Variants in DMD observed in about 807,000 individuals in gnomAD.
DMD encodes dystrophin, also known as mutant dystrophin.
In DMD, 63 loss-of-function variants were observed where a neutral mutation model predicts 330.1. The observed-to-expected ratio is 0.19, with a 90% CI of 0.16 to 0.24. The LOEUF is 0.24. Ranked by LOEUF, DMD falls within the 10% of genes least tolerant of loss-of-function variation. The pLI, the probability that DMD is intolerant of heterozygous loss-of-function variation, is 1.00. For synonymous variants in DMD, 1,223 were observed against 959.8 expected (o/e 1.27, Z -5.07); for missense variants, 3,344 against 2,684.1 (o/e 1.25, Z -5.43).
At chrX:33,008,642 CTG>C (rs751911023) in intron 2 of DMD, among the ~76,000 whole-genome samples, 3 of 108,959 alleles carry the variant, frequency 2.8e-5, no homozygotes, top group Admixed American at 9.9e-5. Context: ...CCACAACGAA[CTG>C]TTTTTTTCTA....
Position 32,334,286 on chromosome X carries a change from AGTCTTTT to A in DMD, c.5922+7807_5922+7813del, listed in dbSNP as rs761571245. Among the ~76,000 whole-genome samples the A allele has an allele frequency of 5.6e-3, 623 of 111,989 alleles. 4 individuals are homozygous for A. Among genetic ancestry groups the A allele is most frequent in the African/African-American group, 0.018 (562 of 30,835 alleles). ...AACATTTCCCTTAACAACCATTATT[AGTCTTTT>A]GTATTTACAATTCCATTTGCTAAAG... On this transcript the variant is annotated intron_variant, in intron 41 of 78. Transcript: ENST00000357033.
chrX:32,007,693 G>T (rs182446837), intron 44 of DMD, among the ~76,000 whole-genome samples: 1 of 110,721 alleles, frequency 9.0e-6, no homozygotes, highest in African/African-American at 3.3e-5. Context: ...CACAGGTTTG[G>T]GGGGACGTGG....
At chrX:33,190,467 C>T (rs781755147) in intron 1 of DMD, among the ~76,000 whole-genome samples, 1 of 29,221 alleles carries the variant, frequency 3.4e-5, no homozygotes, top group African/African-American at 6.8e-5. Context: ...AAATATTGAT[C>T]TTTCTTTCTT....
chrX:32,401,407 T>C (rs73463858), intron 30 of DMD, among the ~76,000 whole-genome samples: 2 of 112,124 alleles, frequency 1.8e-5, no homozygotes, highest in Admixed American at 9.5e-5. Flanking sequence ...GTCCTGTCAT[T>C]TGCAATAACA....
intron 55 of DMD, among the ~76,000 whole-genome samples, chrX:31,521,245 G>A (rs1222505907): frequency 9.8e-6 from 1 of 102,385 alleles, no homozygotes; most frequent in African/African-American, 3.6e-5. Context: ...TGCAACCTCT[G>A]TCCCCCTCCT....
chrX:31,288,658 G>T (rs771160259), intron 62 of DMD, among the ~76,000 whole-genome samples: 3 of 111,805 alleles, frequency 2.7e-5, no homozygotes, highest in African/African-American at 9.8e-5. Flanking sequence ...GAATAATGTG[G>T]TCAGTTCTCT....
chrX:32,993,232 A>G (rs2093026743), intron 2 of DMD, among the ~76,000 whole-genome samples: 1 of 112,244 alleles, frequency 8.9e-6, no homozygotes. Context: ...CATTTAGACA[A>G]ATGCTCTTCA....
At chrX:32,484,093 C>T (rs768020025) in intron 21 of DMD, among the ~76,000 whole-genome samples, 1 of 111,109 alleles carries the variant, frequency 9.0e-6, no homozygotes, top group East Asian at 2.8e-4. Flanking sequence ...CAGAAAAATA[C>T]TTTTATCTTA....
intron 1 of DMD, among the ~76,000 whole-genome samples, chrX:33,322,693 A>G (rs772535427): frequency 8.9e-6 from 1 of 111,825 alleles, no homozygotes; most frequent in Non-Finnish European, 1.9e-5. Context: ...GTGAGTCAAG[A>G]AAGAAGATAC....
intron 50 of DMD, among the ~76,000 whole-genome samples, chrX:31,798,931 G>A (rs761375317): frequency 2.0e-3 from 218 of 111,179 alleles, no homozygotes; most frequent in Non-Finnish European, 2.8e-3. Context: ...CTTTGTCTCT[G>A]GAACAAGATG....
At chrX:32,211,170 C>T (rs890073613) in intron 44 of DMD, among the ~76,000 whole-genome samples, 4 of 111,855 alleles carry the variant, frequency 3.6e-5, no homozygotes, top group African/African-American at 1.3e-4. Flanking sequence ...TGAGAGATCA[C>T]AGCAGGGTCA....
chrX:32,024,862 T>G (rs2095835911), intron 44 of DMD, among the ~76,000 whole-genome samples: 1 of 111,877 alleles, frequency 8.9e-6, no homozygotes, highest in Non-Finnish European at 1.9e-5. Context: ...AGAAATTAAG[T>G]CTCTGAAAAG....
At chrX:31,709,617 G>T (rs868520602) in intron 52 of DMD, among the ~76,000 whole-genome samples, 1 of 92,369 alleles carries the variant, frequency 1.1e-5, no homozygotes, top group Non-Finnish European at 2.2e-5. Context: ...TGTGTGTGTG[G>T]TGTGTCAGAG....
At chrX:31,931,349 T>C (rs548954552) in intron 46 of DMD, among the ~76,000 whole-genome samples, 6 of 110,059 alleles carry the variant, frequency 5.5e-5, no homozygotes, top group African/African-American at 2.0e-4. Flanking sequence ...GTTAATCCAA[T>C]TGCACAATCA....
At chrX:32,976,066 C>T (rs1379771556) in intron 2 of DMD, among the ~76,000 whole-genome samples, 3 of 111,190 alleles carry the variant, frequency 2.7e-5, no homozygotes, top group African/African-American at 9.8e-5. Flanking sequence ...ACTAAAAATA[C>T]AAAAATTAGC....
chrX:32,704,066 A>C (rs1263579389), intron 7 of DMD, among the ~76,000 whole-genome samples: 1 of 111,859 alleles, frequency 8.9e-6, no homozygotes, highest in Admixed American at 9.6e-5. Flanking sequence ...GAACAATAAC[A>C]CCGTTTCTGA....
intron 7 of DMD, among the ~76,000 whole-genome samples, chrX:32,719,468 C>A (rs1761907611): frequency 9.0e-6 from 1 of 111,428 alleles, no homozygotes. Flanking sequence ...GCCAAGAAAT[C>A]AGAGGCAAAT....
chrX:33,097,875 A>G (rs1397903319), intron 1 of DMD, among the ~76,000 whole-genome samples: 3 of 110,658 alleles, frequency 2.7e-5, no homozygotes, highest in Non-Finnish European at 5.7e-5. Flanking sequence ...TCAGCCTCCC[A>G]AAGTGCTGGG....
intron 1 of DMD, among the ~76,000 whole-genome samples, chrX:33,315,379 C>T (rs1199615606): frequency 8.9e-6 from 1 of 112,122 alleles, no homozygotes; most frequent in African/African-American, 3.2e-5. Flanking sequence ...TTAGGTTACA[C>T]TGTATCAGTT....
Sources: gnomAD v4.1 joint callset for allele counts (sites outside exome capture counted in the v4.1 genomes callset) on GRCh38, gnomAD v4.1.1 for gene constraint, MANE v1.5 for transcripts, NCBI Gene and HGNC (gene_info 2026-07-23, HGNC 2026-07-21) for gene names.